SPECC1: variants seen among roughly 807,000 people sequenced by gnomAD.
The protein encoded by SPECC1 is sperm antigen with calponin homology and coiled-coil domains 1.
Under a neutral mutation model 104.1 loss-of-function variants are expected in SPECC1, and 62 were observed. That is an observed-to-expected ratio of 0.60 (90% CI 0.49 to 0.74). The LOEUF is 0.74. SPECC1 is among the 30% of genes least tolerant of loss of function. SPECC1 has a pLI of 0.00. For synonymous variants in SPECC1, 513 were observed against 501.6 expected (o/e 1.02, Z -0.30); for missense variants, 1,306 against 1,310.5 (o/e 1.00, Z 0.05).
At chr17:20,284,812 CTGTT>C (rs1457413343) in intron 12 of SPECC1, among the ~76,000 whole-genome samples, 1 of 152,208 alleles carries the variant, frequency 6.6e-6, no homozygotes, top group Non-Finnish European at 1.5e-5. Flanking sequence ...GGGAGTGAGA[CTGTT>C]TAGATCACCA....
intron 1 of SPECC1, among the ~76,000 whole-genome samples, chr17:20,046,624 G>A (rs2045548867): frequency 6.6e-6 from 1 of 152,190 alleles, no homozygotes; most frequent in African/African-American, 2.4e-5. Context: ...TAGGGTGAGT[G>A]AGGTCCATGG....
chr17:20,156,649 C>T (rs576655419), intron 3 of SPECC1, among the ~76,000 whole-genome samples: 79 of 152,304 alleles, frequency 5.2e-4, no homozygotes, highest in African/African-American at 1.8e-3. Flanking sequence ...GCCCGCGGCT[C>T]TGCCCCTCAC....
chr17:20,205,931 T>G lies in SPECC1; in HGVS notation c.1863+19T>G. 6.3e-7 allele frequency: 1 copy of G among 1,588,962 alleles called. No individual in the cohort carries two copies. Among genetic ancestry groups the G allele is most frequent in the South Asian group, 1.1e-5 (1 of 87,538 alleles). ...GGCCAAGGTGAGAAGAGACAGCTCT[T>G]TACTGGTATTTGCTCATCCTTGTTC... On this transcript the variant is annotated intron_variant, in intron 4 of 14. Coordinates refer to ENST00000395527, the MANE Select transcript of SPECC1 (RefSeq NM_001243439.2).
intron 3 of SPECC1, among the ~76,000 whole-genome samples, chr17:20,118,257 G>A (rs2048861238): frequency 6.6e-6 from 1 of 152,174 alleles, no homozygotes; most frequent in African/African-American, 2.4e-5. Context: ...ACAAGGACAA[G>A]TTGGTAATAT....
chr17:20,102,026 A>G (rs1458313195), intron 2 of SPECC1, among the ~76,000 whole-genome samples: 1 of 152,234 alleles, frequency 6.6e-6, no homozygotes, highest in African/African-American at 2.4e-5. Context: ...ATATCAGTGA[A>G]GCTGTTAATG....
intron 1 of SPECC1, among the ~76,000 whole-genome samples, chr17:20,085,016 C>T (rs1469380953): frequency 6.6e-6 from 1 of 152,212 alleles, no homozygotes; most frequent in Non-Finnish European, 1.5e-5. Flanking sequence ...CTGAGGTTTA[C>T]CAGACAGTAG....
In SPECC1 at chr17:20,272,139, T is replaced by A. The variant is rs529204137; in HGVS notation, c.2940+11845T>A. Among the ~76,000 whole-genome samples, 3 of 152,262 alleles carry A rather than the reference T, an allele frequency of 2.0e-5. No individual in the cohort carries two copies. The South Asian group carries it at 6.2e-4, about 32-fold the overall frequency. ...CTCACTGCACCCTTTCAATATGTAA[T>A]TCATGACTTTATTTTCTGGAATTAT... is the stretch of plus-strand genomic sequence containing the variant. On this transcript the variant is annotated intron_variant, in intron 12 of 14. Transcript: ENST00000395527.
intron 1 of SPECC1, among the ~76,000 whole-genome samples, chr17:20,010,705 T>C (rs1172127272): frequency 6.6e-6 from 1 of 152,254 alleles, no homozygotes; most frequent in Non-Finnish European, 1.5e-5. Flanking sequence ...GTTTTTACTT[T>C]TTTCCTTGTC....
intron 3 of SPECC1, among the ~76,000 whole-genome samples, chr17:20,180,710 C>T (rs920000722): frequency 1.3e-5 from 2 of 152,322 alleles, no homozygotes; most frequent in Middle Eastern, 6.8e-3. Flanking sequence ...AGCACTTTGC[C>T]AGCCAAACAA....
At chr17:20,085,433 G>C (rs562834074) in intron 1 of SPECC1, among the ~76,000 whole-genome samples, 1 of 152,340 alleles carries the variant, frequency 6.6e-6, no homozygotes, top group South Asian at 2.1e-4. Flanking sequence ...TGCTGTACTT[G>C]CTGTTCCTTG....
At chr17:20,278,466 C>T (rs1236773158) in intron 12 of SPECC1, among the ~76,000 whole-genome samples, 1 of 152,202 alleles carries the variant, frequency 6.6e-6, no homozygotes, top group Non-Finnish European at 1.5e-5. Flanking sequence ...GGCCCACATC[C>T]TCCCTCTTCT....
At chr17:20,304,745 A>G (rs898460604) in intron 13 of SPECC1, among the ~76,000 whole-genome samples, 4 of 152,240 alleles carry the variant, frequency 2.6e-5, no homozygotes, top group Middle Eastern at 3.4e-3. Flanking sequence ...GTAGGGTTTC[A>G]TAGAATGATG....
chr17:20,279,950 C>T (rs1275103288), intron 12 of SPECC1, among the ~76,000 whole-genome samples: 2 of 152,166 alleles, frequency 1.3e-5, no homozygotes, highest in Non-Finnish European at 1.5e-5. Flanking sequence ...GAAATCAGCC[C>T]ATCACCAAAG....
At chr17:20,245,425 G>A (rs1356848222) in intron 7 of SPECC1, among the ~76,000 whole-genome samples, 1 of 152,026 alleles carries the variant, frequency 6.6e-6, no homozygotes, top group African/African-American at 2.4e-5. Context: ...CCCACTCCAG[G>A]TCTTGCCCAA....
At chr17:20,231,232 GT>G (rs2038554335) in intron 5 of SPECC1, among the ~76,000 whole-genome samples, 1 of 152,208 alleles carries the variant, frequency 6.6e-6, no homozygotes, top group African/African-American at 2.4e-5. Context: ...TGTCTGGAGT[GT>G]GGGACTAGAA....
At chr17:20,013,338 A>G (rs1432341415) in intron 1 of SPECC1, among the ~76,000 whole-genome samples, 3 of 152,190 alleles carry the variant, frequency 2.0e-5, no homozygotes, top group African/African-American at 7.2e-5. Flanking sequence ...TGAGAATTTC[A>G]GTTTCCATAC....
chr17:20,196,587 T>G (rs1470139072), intron 3 of SPECC1, among the ~76,000 whole-genome samples: 2 of 152,238 alleles, frequency 1.3e-5, no homozygotes, highest in African/African-American at 2.4e-5. Context: ...TCTGAGACAT[T>G]CTTGGACTTT....
intron 3 of SPECC1, among the ~76,000 whole-genome samples, chr17:20,202,224 C>T (rs542238479): frequency 6.6e-6 from 1 of 152,226 alleles, no homozygotes; most frequent in African/African-American, 2.4e-5. Flanking sequence ...TGTTGCAGTG[C>T]GCTCAAGCAT....
chr17:20,170,123 C>T (rs768592194), intron 3 of SPECC1, among the ~76,000 whole-genome samples: 3 of 152,202 alleles, frequency 2.0e-5, no homozygotes, highest in East Asian at 1.9e-4. Flanking sequence ...CCAGTTTGTC[C>T]GCTACCTTCT....
Sources: allele counts gnomAD v4.1 joint callset (sites outside exome capture counted in the v4.1 genomes callset), GRCh38; gene constraint gnomAD v4.1.1; transcripts MANE v1.5; gene names NCBI Gene and HGNC (gene_info 2026-07-23, HGNC 2026-07-21).